The following ACCSL variants were observed in gnomAD, a reference collection of about 807,000 sequenced individuals.
ACCSL encodes 1-aminocyclopropane-1-carboxylate synthase homolog (inactive) like.
A neutral mutation model predicts 61.7 loss-of-function variants in ACCSL; 55 were observed. That is an observed-to-expected ratio of 0.89 (90% CI 0.72 to 1.12). The LOEUF is 1.12. Among genes scored for constraint, ACCSL ranks in the 50% most tolerant of loss-of-function variants. The pLI is 0.00. For missense variants in ACCSL, 632 were observed against 698.0 expected, an observed-to-expected ratio of 0.91 and a Z score of 1.07; for synonymous variants, 258 against 264.3, an observed-to-expected ratio of 0.98 and a Z score of 0.23.
At chr11:44,012,468 G>T in the ACCSL span, among the ~76,000 whole-genome samples, 10,461 of 152,030 alleles carry the variant, frequency 0.069, 383 homozygotes, top group Non-Finnish European at 0.092. Context: ...TGTATTTTTC[G>T]TAGAAACGGG....
rs767335978 is a variant in ACCSL at position 44,048,011 on chromosome 11, CA to C, written c.-25del. 3 of 1,592,922 alleles carry C rather than the reference CA, an allele frequency of 1.9e-6. No individual in the cohort carries two copies. In the South Asian group the frequency reaches 3.3e-5, roughly 18 times the overall value. On this transcript the variant is annotated 5_prime_UTR_variant, in exon 1 of 14. Transcript: ENST00000378832. ...TTCTCCATAGGTGCCAGGCAGCCTTCAGAGGCCAGTAAAGATACCCGGAGTA... is the reference window on the plus strand; with the variant it reads ...TTCTCCATAGGTGCCAGGCAGCCTTCGAGGCCAGTAAAGATACCCGGAGTA...
chr11:43,969,021 C>T, the ACCSL span, among the ~76,000 whole-genome samples: 7 of 152,132 alleles, frequency 4.6e-5, no homozygotes, highest in Non-Finnish European at 8.8e-5. Context: ...GTGTTCCATA[C>T]TTTCTTGCCA....
rs1590429198 is a variant in ACCSL at position 44,050,585 on chromosome 11, A to C, written c.598A>C (p.Thr200Pro). The C allele has an allele frequency of 6.2e-7, 1 of 1,614,102 alleles. No homozygotes were observed. The highest frequency in any genetic ancestry group is 8.5e-7 in the Non-Finnish European group (1 of 1,180,018). ...QESDMNCIED[T>P]LLQYPDWRGQ... is the part of the protein sequence containing the mutation. ...AAGTGACATGAACTGCATTGAGGAC[A>C]CCTTGCTTCAGTACCCTGATTGGAG... Residue 200 changes from threonine (T) to proline (P), a missense_variant, in exon 3 of 14, where the codon ACC becomes CCC. Transcript: ENST00000378832.
At chr11:44,020,863 A>C in the ACCSL span, among the ~76,000 whole-genome samples, 4 of 152,016 alleles carry the variant, frequency 2.6e-5, no homozygotes, top group African/African-American at 9.7e-5. Context: ...CCACTTACAA[A>C]TGAGAACATA....
At chr11:43,943,150 G>T in the ACCSL span, 13 of 1,501,654 alleles carry the variant, frequency 8.7e-6, no homozygotes, top group African/African-American at 7.2e-5. This position sits in a 1 kb window ranked among gnomAD's most constrained non-coding sequence, Gnocchi z 4.8. Context: ...CCAAGAAGTC[G>T]TTCCTGCAGA....
At chr11:44,041,476 T>C in the ACCSL span, among the ~76,000 whole-genome samples, 3 of 152,210 alleles carry the variant, frequency 2.0e-5, no homozygotes, top group Admixed American at 1.3e-4. Context: ...ACCTCTAGGA[T>C]AGGTTGAAAA....
the ACCSL span, among the ~76,000 whole-genome samples, chr11:43,981,147 C>T: frequency 7.2e-5 from 11 of 152,186 alleles, no homozygotes; most frequent in Admixed American, 6.5e-4. Flanking sequence ...TTAACGAGCA[C>T]GCCACTGATG....
intron 1 of ACCSL, among the ~76,000 whole-genome samples, chr11:44,048,864 G>A (rs1224705353): frequency 6.6e-6 from 1 of 152,140 alleles, no homozygotes; most frequent in Admixed American, 6.5e-5. Context: ...AGCCACTGGG[G>A]CACAGGCATT....
At chr11:43,988,829 T>G in the ACCSL span, among the ~76,000 whole-genome samples, 1 of 110,422 alleles carries the variant, frequency 9.1e-6, no homozygotes, top group Admixed American at 1.0e-4. Flanking sequence ...TTTTTTTTTT[T>G]TTGGAGACAG....
the ACCSL span, among the ~76,000 whole-genome samples, chr11:43,976,383 T>C: frequency 4.6e-5 from 7 of 152,244 alleles, no homozygotes; most frequent in South Asian, 2.1e-4. Context: ...TGGTCTTCTA[T>C]GTATATGCAT....
chr11:44,026,311 G>T, the ACCSL span, among the ~76,000 whole-genome samples: 3 of 151,904 alleles, frequency 2.0e-5, no homozygotes, highest in Non-Finnish European at 4.4e-5. Context: ...CTACTGTTGA[G>T]CCCCTCTAAT....
Position 44,055,912 on chromosome 11 carries a change from C to A in ACCSL, c.1140-128C>A, listed in dbSNP as rs1565159815. On this transcript the variant is annotated intron_variant, in intron 9 of 13. Coordinates refer to ENST00000378832, the MANE Select transcript of ACCSL (RefSeq NM_001031854.2). Reference sequence around the variant, plus strand: ...CCTGGCTTAACTGGGACAACTGTTTCTTGAGCTTTGGGCCCTATAGGCCCT... The same window carrying A: ...CCTGGCTTAACTGGGACAACTGTTTATTGAGCTTTGGGCCCTATAGGCCCT... 4 of 1,064,502 alleles carry A rather than the reference C, an allele frequency of 3.8e-6. No individual in the cohort carries two copies. In the African/African-American group the frequency reaches 6.4e-5, roughly 17 times the overall value. 65.9% of individuals were successfully genotyped at this position (1,064,502 alleles called of 1,614,324 possible). A position where few individuals can be genotyped will look rare whatever the true frequency, so the allele number is the denominator to read the frequency against.
At chr11:43,945,029 A>T in the ACCSL span, 1 of 152,534 alleles carries the variant, frequency 6.6e-6, no homozygotes, top group Non-Finnish European at 1.5e-5. Flanking sequence ...AGAAGACAGC[A>T]GAGGAAACGA....
chr11:43,966,093 GA>G, the ACCSL span, among the ~76,000 whole-genome samples: 67,603 of 151,892 alleles, frequency 0.45, 15,622 homozygotes, highest in East Asian at 0.61. Flanking sequence ...AGCAACTAAA[GA>G]AAAAAATAGA....
At position 44,048,515 on chromosome 11, in the gene ACCSL, A is replaced by T; in HGVS notation, c.479A>T (p.Lys160Ile). Residue 160 changes from lysine to isoleucine, a missense_variant, in exon 1 of 14, where the codon AAA (lysine) becomes ATA (isoleucine). By Grantham distance (102) the Lys-to-Ile change is moderately radical. Coordinates refer to ENST00000378832, the MANE Select transcript of ACCSL (RefSeq NM_001031854.2). ...FQDYNAYQKDKYHKDKNTLGF... is the reference protein window; with the variant it reads ...FQDYNAYQKDIYHKDKNTLGF... ...GACTACAATGCCTACCAAAAAGATA[A>T]ATATCATAAGGACAAGAACACCTTG... 7.4e-7 allele frequency: 1 copy of T among 1,360,284 alleles called. No individual in the cohort carries two copies. The highest frequency in any genetic ancestry group is 9.7e-7 in the Non-Finnish European group (1 of 1,028,196). The allele number at this position is 1,360,284 out of a possible 1,614,324, so 84.3% of individuals were successfully genotyped here. A position where few individuals can be genotyped will look rare whatever the true frequency, so the allele number is the denominator to read the frequency against.
At chr11:44,024,425 T>TTCTC in the ACCSL span, among the ~76,000 whole-genome samples, 779 of 138,416 alleles carry the variant, frequency 5.6e-3, 6 homozygotes, top group Non-Finnish European at 7.0e-3. Flanking sequence ...CTCTCTCTCT[T>TTCTC]TCTCTCTCTC....
chr11:43,991,352 C>T, the ACCSL span, among the ~76,000 whole-genome samples: 1 of 152,242 alleles, frequency 6.6e-6, no homozygotes, highest in Non-Finnish European at 1.5e-5. Flanking sequence ...CATGGGCACA[C>T]AGCTGCACAC....
At chr11:44,026,040 G>A in the ACCSL span, among the ~76,000 whole-genome samples, 1 of 152,140 alleles carries the variant, frequency 6.6e-6, no homozygotes, top group South Asian at 2.1e-4. Flanking sequence ...ATCCTAAGTG[G>A]AACTTGTTGA....
the ACCSL span, among the ~76,000 whole-genome samples, chr11:43,958,986 G>A: frequency 6.6e-6 from 1 of 152,172 alleles, no homozygotes; most frequent in Non-Finnish European, 1.5e-5. Context: ...GCAGAAGGTA[G>A]AAGGGCAGAA....
Sources: gnomAD v4.1 joint callset for allele counts (sites outside exome capture counted in the v4.1 genomes callset) on GRCh38, gnomAD v4.1.1 for gene constraint, Gnocchi (gnomAD v3.1) non-coding constraint, MANE v1.5 for transcripts, NCBI Gene and HGNC (gene_info 2026-07-23, HGNC 2026-07-21) for gene names.